Variants in ROBO1 observed in about 807,000 individuals in gnomAD.
ROBO1 encodes the protein roundabout homolog 1.
In ROBO1, 149 loss-of-function variants were observed where a neutral mutation model predicts 195.9. The ratio of observed to expected loss-of-function variants is 0.76; its 90% CI spans 0.67 to 0.87. ROBO1 has a LOEUF of 0.87. ROBO1 is among the 40% of genes least tolerant of loss of function. The pLI, the probability that ROBO1 is intolerant of heterozygous loss-of-function variation, is 0.00. For synonymous variants in ROBO1, 816 were observed against 733.2 expected (o/e 1.11, Z -1.82); for missense variants, 1,933 against 2,068.3 (o/e 0.93, Z 1.27).
At chr3:79,762,623 CACACACACAAAAGCCG>C (rs1361377764) in intron 1 of ROBO1, among the ~76,000 whole-genome samples, 2 of 147,966 alleles carry the variant, frequency 1.4e-5, no homozygotes, top group Admixed American at 6.7e-5. Context: ...CACACACACA[CACACACACAAAAGCCG>C]AGAGGAATGA....
intron 2 of ROBO1, among the ~76,000 whole-genome samples, chr3:79,396,048 T>C (rs886164155): frequency 1.3e-5 from 2 of 152,100 alleles, no homozygotes; most frequent in African/African-American, 4.8e-5. Flanking sequence ...AAAATGAATA[T>C]AAAATCATAA....
intron 27 of ROBO1, 141 bp from the exon 28 acceptor site, chr3:78,614,941 T>C: frequency 1.2e-6 from 1 of 845,268 alleles, no homozygotes; most frequent in Non-Finnish European, 1.8e-6. Context: ...AACAAACTCT[T>C]CCAGCAAATA....
chr3:78,606,800 G>A lies in ROBO1; in HGVS notation c.4677C>T (p.Asp1559=), dbSNP rs775078217. 4.5e-5 allele frequency: 72 copies of A among 1,613,592 alleles called. 1 individual carries two copies. Among genetic ancestry groups the A allele is most frequent in the South Asian group, 2.6e-4 (24 of 91,076 alleles). The stretch of plus-strand genomic sequence containing the variant: ...CTGCCTTGTTTCCACGTCCTTTCCC[G>A]TCATTTTGCTGTTCCTGTGCTTCTC... ...DPREAQEQQN[D]GKGRGNKAAK... is the part of the protein sequence containing the mutation. The change falls in exon 29 of 31, where the codon GAC becomes GAT. Residue 1559 remains aspartate (D), a synonymous_variant. Coordinates refer to ENST00000464233, the MANE Select transcript of ROBO1 (RefSeq NM_002941.4).
In ROBO1 at chr3:78,824,912, C is replaced by T. The variant is rs182988090; in HGVS notation, c.500-78012G>A. Reference sequence around the variant, plus strand: ...TTGTTCTGCTTCTGCGCCTACTGTCCGTTACTTTCTTTCCATCTTGAAAAT... The same window carrying T: ...TTGTTCTGCTTCTGCGCCTACTGTCTGTTACTTTCTTTCCATCTTGAAAAT... On this transcript the variant is annotated intron_variant, in intron 4 of 30. Coordinates refer to ENST00000464233, the MANE Select transcript of ROBO1 (RefSeq NM_002941.4). 3.3e-5 allele frequency among the ~76,000 whole-genome samples: 5 copies of T among 152,190 alleles called. No individual in the cohort carries two copies. In the East Asian group the frequency reaches 5.8e-4, roughly 18 times the overall value.
intron 3 of ROBO1, among the ~76,000 whole-genome samples, chr3:79,023,876 T>C (rs992012974): frequency 6.6e-6 from 1 of 151,206 alleles, no homozygotes; most frequent in Non-Finnish European, 1.5e-5. Flanking sequence ...GCTATTTTTT[T>C]TTTTTTTGTA....
chr3:79,381,114 G>T (rs571920276), intron 2 of ROBO1, among the ~76,000 whole-genome samples: 2 of 151,946 alleles, frequency 1.3e-5, no homozygotes, highest in Non-Finnish European at 2.9e-5. Context: ...ATCCCAGCAC[G>T]TTGGGAGGCT....
intron 4 of ROBO1, among the ~76,000 whole-genome samples, chr3:78,871,171 C>G (rs2035519768): frequency 6.6e-6 from 1 of 152,130 alleles, no homozygotes; most frequent in Non-Finnish European, 1.5e-5. Flanking sequence ...TGTGAAGACA[C>G]TGATGCCCAT....
At chr3:79,365,404 C>T (rs1416700975) in intron 2 of ROBO1, among the ~76,000 whole-genome samples, 5 of 152,156 alleles carry the variant, frequency 3.3e-5, no homozygotes, top group Non-Finnish European at 7.4e-5. Context: ...GCATTTCTAT[C>T]ATAGCCCCAT....
At chr3:79,516,861 T>C (rs549221648) in intron 2 of ROBO1, among the ~76,000 whole-genome samples, 1 of 152,302 alleles carries the variant, frequency 6.6e-6, no homozygotes, top group East Asian at 1.9e-4. Flanking sequence ...CAAAGGTTTT[T>C]GTGCATTTTT....
rs550852160 is a variant in ROBO1, at chr3:78,877,799, T to C, written c.499+60802A>G. ...AACATATTCATGGAGGAGCCTCCAA[T>C]ATGTGCTATTGGAGCTGAGAAAAAT... is the stretch of plus-strand genomic sequence containing the variant. On this transcript the variant is annotated intron_variant, in intron 4 of 30. Transcript: ENST00000464233. Among the ~76,000 whole-genome samples, 3 of 152,332 alleles carry C rather than the reference T, an allele frequency of 2.0e-5. No individual in the cohort carries two copies. The East Asian group carries it at 5.8e-4, about 29-fold the overall frequency.
intron 10 of ROBO1, among the ~76,000 whole-genome samples, chr3:78,681,285 T>C (rs2080900923): frequency 6.6e-6 from 1 of 152,088 alleles, no homozygotes; most frequent in Non-Finnish European, 1.5e-5. Flanking sequence ...TATACATATG[T>C]AACTAACCTG....
intron 4 of ROBO1, among the ~76,000 whole-genome samples, chr3:78,890,899 T>A (rs2036850090): frequency 6.6e-6 from 1 of 152,086 alleles, no homozygotes; most frequent in African/African-American, 2.4e-5. Flanking sequence ...GTAGCTAAGA[T>A]TACAGGTGTG....
intron 3 of ROBO1, among the ~76,000 whole-genome samples, chr3:79,101,535 C>T (rs1048607407): frequency 3.4e-4 from 52 of 151,782 alleles, no homozygotes; most frequent in African/African-American, 1.2e-3. Flanking sequence ...CTGTTTCTCA[C>T]CCTGGAGCTT....
chr3:79,762,500 A>C lies in ROBO1; in HGVS notation c.-51+5252T>G, dbSNP rs150883095. 2.6e-3 allele frequency among the ~76,000 whole-genome samples: 338 copies of C among 131,596 alleles called. 12 individuals are homozygous for C. The highest frequency in any genetic ancestry group is 0.023 in the Admixed American group (307 of 13,338). 86.3% of individuals were successfully genotyped at this position (131,596 alleles called of 152,430 possible). A position where few individuals can be genotyped will look rare whatever the true frequency, so the allele number is the denominator to read the frequency against. ...CAGAAAGGGAGGAATACTTAAACCT[A>C]TTTTCTTAACATGAAGGTCTTCACA... On this transcript the variant is annotated intron_variant, in intron 1 of 30. Coordinates refer to ENST00000464233, the MANE Select transcript of ROBO1 (RefSeq NM_002941.4).
chr3:78,645,269 G>A (rs1349503019), intron 21 of ROBO1, among the ~76,000 whole-genome samples: 10 of 151,864 alleles, frequency 6.6e-5, no homozygotes, highest in African/African-American at 2.2e-4. Context: ...TTTCTTATCC[G>A]GTGGTATGTT....
intron 2 of ROBO1, among the ~76,000 whole-genome samples, chr3:79,485,611 C>G (rs1052465343): frequency 6.6e-6 from 1 of 152,002 alleles, no homozygotes; most frequent in African/African-American, 2.4e-5. Flanking sequence ...GAGTCAGATA[C>G]TGTTCTCAGC....
rs149175399 is a variant in ROBO1 at position 78,692,691 on chromosome 3, A to C, written c.1046-3919T>G. ...CTAAAAATTGCTTTCTAGTGACCTT[A>C]TGAAATGATTGGACCTTCCTCCAAG... is the stretch of plus-strand genomic sequence containing the variant. On this transcript the variant is annotated intron_variant, in intron 8 of 30. Transcript: ENST00000464233. Among the ~76,000 whole-genome samples the C allele has an allele frequency of 5.6e-3, 848 of 152,306 alleles. 6 individuals are homozygous for C. Among genetic ancestry groups the C allele is most frequent in the African/African-American group, 0.019 (807 of 41,568 alleles).
chr3:78,679,755 C>A (rs554301108), intron 10 of ROBO1, among the ~76,000 whole-genome samples: 1 of 152,184 alleles, frequency 6.6e-6, no homozygotes, highest in Non-Finnish European at 1.5e-5. Context: ...GGCCATACTG[C>A]CCAAGGTAAT....
At chr3:79,190,473 T>A (rs1231063443) in intron 2 of ROBO1, among the ~76,000 whole-genome samples, 1 of 151,644 alleles carries the variant, frequency 6.6e-6, no homozygotes, top group African/African-American at 2.4e-5. Context: ...TTTTCACAAA[T>A]TGAGTATTGG....
Sources: gnomAD v4.1 joint callset for allele counts (sites outside exome capture counted in the v4.1 genomes callset) on GRCh38, gnomAD v4.1.1 for gene constraint, MANE v1.5 for transcripts, NCBI Gene and HGNC (gene_info 2026-07-23, HGNC 2026-07-21) for gene names.